Variants in DNAAF9 observed in about 807,000 individuals in gnomAD.
DNAAF9 encodes the protein shulin.
In DNAAF9, 90 loss-of-function variants were observed where a neutral mutation model predicts 167.0. That is an observed-to-expected ratio of 0.54 (90% CI 0.45 to 0.64). DNAAF9 has a LOEUF of 0.64. Ranked by LOEUF, DNAAF9 falls within the 30% of genes least tolerant of loss-of-function variation. The probability of loss-of-function intolerance (pLI) is 0.00; values close to 1 mark genes in which losing one functional copy is unlikely to be tolerated. For missense variants in DNAAF9, 1,315 were observed against 1,442.2 expected (o/e 0.91, Z 1.43); for synonymous variants, 491 against 508.8 (o/e 0.96, Z 0.47).
At chr20:3,287,041 A>G (rs1600709119) in intron 27 of DNAAF9, among the ~76,000 whole-genome samples, 2 of 152,244 alleles carry the variant, frequency 1.3e-5, no homozygotes, top group Non-Finnish European at 2.9e-5. Flanking sequence ...GCAGTGGTAC[A>G]AGCTCTGTCA....
chr20:3,369,770 T>C (rs1009794254), intron 6 of DNAAF9, among the ~76,000 whole-genome samples: 8 of 152,230 alleles, frequency 5.3e-5, no homozygotes, highest in Non-Finnish European at 1.2e-4. Context: ...AGGAGTTTCC[T>C]AACTTTACCT....
At chr20:3,365,251 A>C (rs569500517) in intron 6 of DNAAF9, among the ~76,000 whole-genome samples, 6 of 152,340 alleles carry the variant, frequency 3.9e-5, no homozygotes, top group Non-Finnish European at 7.3e-5. Flanking sequence ...CTAGGATTAC[A>C]GGCACAATCC....
At chr20:3,393,555 T>C (rs79242634) in intron 1 of DNAAF9, among the ~76,000 whole-genome samples, 1 of 152,254 alleles carries the variant, frequency 6.6e-6, no homozygotes, top group East Asian at 1.9e-4. Context: ...AATAAAACTG[T>C]TGTACTGTAT....
At chr20:3,346,818 G>C (rs2070202772) in intron 8 of DNAAF9, among the ~76,000 whole-genome samples, 1 of 152,040 alleles carries the variant, frequency 6.6e-6, no homozygotes, top group African/African-American at 2.4e-5. Flanking sequence ...TAGAATCATA[G>C]TAATAGAAGA....
rs57623265 is a variant in DNAAF9, at chr20:3,341,926, C to T, written c.846-1287G>A. On this transcript the variant is annotated intron_variant, in intron 9 of 36. Transcript: ENST00000252032. ...CCGAGTAGCTGGGACTGCAGGCACCCGCCACCACGCCTGGCTAATTTTTTG... is the reference window on the plus strand; with the variant it reads ...CCGAGTAGCTGGGACTGCAGGCACCTGCCACCACGCCTGGCTAATTTTTTG... Among the ~76,000 whole-genome samples the T allele has an allele frequency of 9.1e-3, 1,380 of 152,170 alleles. 19 individuals carry two copies. The highest frequency in any genetic ancestry group is 0.032 in the African/African-American group (1,319 of 41,524).
intron 6 of DNAAF9, among the ~76,000 whole-genome samples, chr20:3,371,078 T>C (rs1156842326): frequency 1.3e-5 from 2 of 152,126 alleles, no homozygotes; most frequent in Admixed American, 1.3e-4. Context: ...ACTTGGCCCC[T>C]TCCTCTGTAT....
At chr20:3,335,066 C>T (rs1320941499) in intron 10 of DNAAF9, among the ~76,000 whole-genome samples, 1 of 152,190 alleles carries the variant, frequency 6.6e-6, no homozygotes, top group Non-Finnish European at 1.5e-5. Flanking sequence ...TTTTATAATA[C>T]AATCTATAAT....
rs1477649428 is a variant in DNAAF9, at chr20:3,314,979, C to G, written c.1678+54G>C. The G allele has an allele frequency of 1.3e-5, 12 of 925,924 alleles. No individual in the cohort carries two copies. The South Asian group carries it at 1.4e-4, about 10-fold the overall frequency. 57.4% of individuals were successfully genotyped at this position (925,924 alleles called of 1,614,324 possible). On this transcript the variant is annotated intron_variant, in intron 20 of 36. Coordinates refer to ENST00000252032, the MANE Select transcript of DNAAF9 (RefSeq NM_001009984.3). The stretch of plus-strand genomic sequence containing the variant: ...TTAATTACAACACCCATGCTGACAT[C>G]TGCAAATGAGGGACCCAGACATGGC...
In DNAAF9 at chr20:3,259,931, T is replaced by C; in HGVS notation, c.2971A>G (p.Lys991Glu). 1 of 1,597,310 alleles carries C rather than the reference T, an allele frequency of 6.3e-7. No individual in the cohort carries two copies. The highest frequency in any genetic ancestry group is 8.6e-7 in the Non-Finnish European group (1 of 1,164,568). ...CTCAGTCAAGGCTTACCTTTACATT[T>C]GGCCACAAAGCGAGTCTTCTCCAAG... Reference protein sequence around the residue: ...RPLEKTRFVAKCKAIQSSIKP... With the variant: ...RPLEKTRFVAECKAIQSSIKP... The change falls in exon 32 of 37, where the codon AAA (lysine) becomes GAA (glutamate). Residue 991 changes from lysine (K) to glutamate (E), a missense_variant. Physicochemically the swap from Lys to Glu is moderately conservative, Grantham distance 56. Coordinates refer to ENST00000252032, the MANE Select transcript of DNAAF9 (RefSeq NM_001009984.3).
intron 8 of DNAAF9, among the ~76,000 whole-genome samples, chr20:3,347,533 C>A (rs1167344144): frequency 6.6e-6 from 1 of 152,202 alleles, no homozygotes; most frequent in Non-Finnish European, 1.5e-5. Context: ...AAGCGATACA[C>A]TGGCAAATAT....
chr20:3,369,754 T>C (rs1163202259), intron 6 of DNAAF9, among the ~76,000 whole-genome samples: 1 of 152,190 alleles, frequency 6.6e-6, no homozygotes, highest in African/African-American at 2.4e-5. Flanking sequence ...TTATTTTACC[T>C]TTCTAAGGAG....
Position 3,281,658 on chromosome 20 carries a change from G to A in DNAAF9, c.2595C>T (p.Ser865=). The A allele has an allele frequency of 6.2e-7, 1 of 1,611,382 alleles. No individual in the cohort carries two copies. The highest frequency in any genetic ancestry group is 8.5e-7 in the Non-Finnish European group (1 of 1,178,974). The stretch of plus-strand genomic sequence containing the variant: ...GTATCTACCTGTGCTCCATGTAGCA[G>A]CTCATGGGCTCCACACATGCTGTGA... ...GAITACVEPM[S]CYMEHRFLFP... is the part of the protein sequence containing the mutation. Residue 865 remains serine (S), a synonymous_variant, in exon 28 of 37, where the codon AGC becomes AGT. Transcript: ENST00000252032.
At chr20:3,356,848 G>A (rs1245409232) in intron 7 of DNAAF9, among the ~76,000 whole-genome samples, 2 of 152,040 alleles carry the variant, frequency 1.3e-5, no homozygotes, top group Admixed American at 1.3e-4. Context: ...TATGACCAGG[G>A]CCAACATCAG....
chr20:3,338,057 A>G (rs1459257317), intron 10 of DNAAF9, among the ~76,000 whole-genome samples: 1 of 148,744 alleles, frequency 6.7e-6, no homozygotes, highest in Non-Finnish European at 1.5e-5. Context: ...ATATGCACAC[A>G]TACATAGTGT....
At position 3,359,572 on chromosome 20, in the gene DNAAF9, G is replaced by A. The variant is rs763557076; in HGVS notation, c.634C>T (p.Leu212=). Residue 212 remains leucine, a synonymous_variant, in exon 7 of 37, where the codon CTA becomes TTA. Coordinates refer to ENST00000252032, the MANE Select transcript of DNAAF9 (RefSeq NM_001009984.3). ...TCCATCTTGCTGTAGACATTCCATA[G>A]ATTCAAACTCACATCCTGCAACTGC... ...KYELQDVSLN[L]WNVYSKMDPM... 5.2e-5 allele frequency: 84 copies of A among 1,612,358 alleles called. No individual in the cohort carries two copies. Among genetic ancestry groups the A allele is most frequent in the Non-Finnish European group, 6.9e-5 (81 of 1,179,342 alleles).
Position 3,349,307 on chromosome 20 carries a change from A to T in DNAAF9, c.691-684T>A, listed in dbSNP as rs548631177. On this transcript the variant is annotated intron_variant, in intron 7 of 36. Transcript: ENST00000252032. ...TGAGGCGGGAGGATTGCTTGAGCCCAAGAGGTCCAAGTTGGAGTGAACTGG... is the reference window on the plus strand; with the variant it reads ...TGAGGCGGGAGGATTGCTTGAGCCCTAGAGGTCCAAGTTGGAGTGAACTGG... Among the ~76,000 whole-genome samples, 7 of 151,806 alleles carry T rather than the reference A, an allele frequency of 4.6e-5. No homozygotes were observed. The South Asian group carries it at 1.5e-3, about 32-fold the overall frequency.
At chr20:3,292,423 T>C (rs1000855726) in intron 25 of DNAAF9, among the ~76,000 whole-genome samples, 4 of 152,192 alleles carry the variant, frequency 2.6e-5, no homozygotes, top group Non-Finnish European at 5.9e-5. Flanking sequence ...TGCAGCTGAG[T>C]ATCTTCTAGA....
At chr20:3,284,173 C>CT (rs200633758) in intron 27 of DNAAF9, among the ~76,000 whole-genome samples, 1,773 of 117,960 alleles carry the variant, frequency 0.015, 32 homozygotes, top group Admixed American at 0.027. Context: ...TTACTAGAGT[C>CT]TTTTTTTTTT....
chr20:3,336,251 C>CT (rs2069940051), intron 10 of DNAAF9, among the ~76,000 whole-genome samples: 5 of 68,058 alleles, frequency 7.3e-5, no homozygotes, highest in Non-Finnish European at 8.2e-5. Context: ...CACAGTTTTG[C>CT]GTTTTTGTTT....
Sources: allele counts gnomAD v4.1 joint callset (sites outside exome capture counted in the v4.1 genomes callset), GRCh38; gene constraint gnomAD v4.1.1; transcripts MANE v1.5; gene names NCBI Gene and HGNC (gene_info 2026-07-23, HGNC 2026-07-21).